The following RSF1 variants were observed in gnomAD, a reference collection of about 807,000 sequenced individuals.
RSF1 encodes the protein remodeling and spacing factor 1.
Under a neutral mutation model 145.2 loss-of-function variants are expected in RSF1, and 13 were observed. That is an observed-to-expected ratio of 0.09 (90% confidence interval 0.06 to 0.14). The LOEUF is 0.14. Ranked by LOEUF, RSF1 falls within the 10% of genes least tolerant of loss-of-function variation. The pLI is 1.00. For synonymous variants in RSF1, 577 were observed against 592.6 expected (o/e 0.97, Z 0.38); for missense variants, 1,517 against 1,718.2 (o/e 0.88, Z 2.07).
intron 1 of RSF1, among the ~76,000 whole-genome samples, chr11:77,779,351 G>A (rs559872382): frequency 6.3e-4 from 96 of 151,542 alleles, no homozygotes; most frequent in Non-Finnish European, 1.1e-3. Context: ...AGGACTATAG[G>A]CACACCACTA....
At chr11:77,672,974 C>T (rs190035955) in intron 14 of RSF1, among the ~76,000 whole-genome samples, 101 of 152,308 alleles carry the variant, frequency 6.6e-4, no homozygotes, top group Non-Finnish European at 1.1e-3. Context: ...TGAGCCACCA[C>T]ACCCAGCCTA....
intron 14 of RSF1, among the ~76,000 whole-genome samples, chr11:77,673,688 A>T (rs574339110): frequency 7.2e-5 from 11 of 152,264 alleles, no homozygotes; most frequent in Non-Finnish European, 1.3e-4. Context: ...AAATATAAGG[A>T]AAAGGATATT....
intron 1 of RSF1, among the ~76,000 whole-genome samples, chr11:77,817,308 C>T (rs1176254757): frequency 6.6e-6 from 1 of 152,224 alleles, no homozygotes; most frequent in Non-Finnish European, 1.5e-5. Flanking sequence ...CACTGCACAA[C>T]TTTTCAAACC....
the RSF1 span, among the ~76,000 whole-genome samples, chr11:77,848,801 T>C: frequency 6.6e-5 from 10 of 152,070 alleles, no homozygotes. Context: ...CATATTGTTA[T>C]CCTCTTATAT....
intron 4 of RSF1, chr11:77,734,578 T>G (rs1405993344): frequency 6.5e-7 from 1 of 1,539,302 alleles, no homozygotes; most frequent in African/African-American, 1.4e-5. Context: ...CACATGGTCA[T>G]CCAATTCTTT....
At chr11:77,735,077 G>A (rs1484908589) in intron 4 of RSF1, 1 of 1,077,170 alleles carries the variant, frequency 9.3e-7, no homozygotes, top group Non-Finnish European at 1.4e-6. Flanking sequence ...CGTGGCGCTG[G>A]GGCGGCGGCA....
At chr11:77,698,750 C>T (rs1960342757) in intron 6 of RSF1, 57 bp from the exon 7 acceptor site, 1 of 1,398,126 alleles carries the variant, frequency 7.2e-7, no homozygotes, top group East Asian at 2.3e-5. Flanking sequence ...TTTTAAAAAT[C>T]TCCTGATTAC....
intron 1 of RSF1, among the ~76,000 whole-genome samples, chr11:77,808,074 C>G (rs886191874): frequency 6.6e-6 from 1 of 152,072 alleles, no homozygotes; most frequent in African/African-American, 2.4e-5. Flanking sequence ...TGGCTCACAC[C>G]TGTAATCCCA....
chr11:77,731,701 G>A, intron 4 of RSF1, among the ~76,000 whole-genome samples: 1 of 152,250 alleles, frequency 6.6e-6, no homozygotes, highest in Admixed American at 6.5e-5. Context: ...AGCTGCCAAT[G>A]CAGAGCTCAG....
chr11:77,727,130 CAA>C (rs1477012485), intron 4 of RSF1, among the ~76,000 whole-genome samples: 1 of 152,136 alleles, frequency 6.6e-6, no homozygotes, highest in Non-Finnish European at 1.5e-5. Flanking sequence ...GATGTTTTCT[CAA>C]AGTCTTGTCT....
Position 77,740,648 on chromosome 11 carries a change from CTGATA to C in RSF1, c.578+78_578+82del, listed in dbSNP as rs1961487156. On this transcript the variant is annotated intron_variant, in intron 4 of 15. Coordinates refer to ENST00000308488, the MANE Select transcript of RSF1 (RefSeq NM_016578.4). ...CTCACACACAAAAAACCACTTCTGT[CTGATA>C]GATAACATCCTAGTTTTGAAACGAG... 3.3e-5 allele frequency: 43 copies of C among 1,318,928 alleles called. No individual in the cohort carries two copies. In the South Asian group the frequency reaches 5.1e-4, roughly 16 times the overall value. The allele number at this position is 1,318,928 out of a possible 1,614,324, so 81.7% of individuals were successfully genotyped here.
chr11:77,798,021 G>A (rs957580950), intron 1 of RSF1, among the ~76,000 whole-genome samples: 13 of 152,208 alleles, frequency 8.5e-5, no homozygotes, highest in Admixed American at 5.2e-4. Flanking sequence ...TGCTGGAGAG[G>A]ATGTGGAGAA....
intron 5 of RSF1, among the ~76,000 whole-genome samples, chr11:77,711,540 G>T (rs566490419): frequency 6.6e-6 from 1 of 152,074 alleles, no homozygotes; most frequent in East Asian, 1.9e-4. Context: ...GTGGTTGCAG[G>T]TGCCTGTAAT....
intron 1 of RSF1, among the ~76,000 whole-genome samples, chr11:77,788,418 A>G (rs1283901996): frequency 6.6e-6 from 1 of 151,108 alleles, no homozygotes; most frequent in Non-Finnish European, 1.5e-5. Flanking sequence ...TTAATATAAA[A>G]AAAGACCCAA....
the RSF1 span, chr11:77,872,019 G>T: frequency 1.6e-6 from 1 of 621,820 alleles, no homozygotes. Context: ...GACTCATTGG[G>T]GCTCACTGCC....
the RSF1 span, chr11:77,842,335 A>G: frequency 2.7e-6 from 2 of 733,650 alleles, no homozygotes; most frequent in South Asian, 2.1e-5. Context: ...GTTACTTTTT[A>G]GACCTCTAAA....
At chr11:77,688,875 G>C (rs540506108) in intron 9 of RSF1, among the ~76,000 whole-genome samples, 1 of 152,228 alleles carries the variant, frequency 6.6e-6, no homozygotes, top group Non-Finnish European at 1.5e-5. Flanking sequence ...TTACGAGCCA[G>C]AGTGCTCAAA....
At position 77,683,691 on chromosome 11, in the gene RSF1, A is replaced by G. The variant is rs750993331; in HGVS notation, c.3065+19T>C. On this transcript the variant is annotated intron_variant, in intron 11 of 15. Transcript: ENST00000308488. ...AAATAAATCCTCTTTTGCTGTAGAC[A>G]TTTCCATACACTTCATACCTGTAGC... is the stretch of plus-strand genomic sequence containing the variant. 2.6e-6 allele frequency: 4 copies of G among 1,533,578 alleles called. No individual in the cohort carries two copies. The African/African-American group carries it at 4.1e-5, about 16-fold the overall frequency. 95.0% of individuals were successfully genotyped at this position (1,533,578 alleles called of 1,614,324 possible).
rs564676447 is a variant in RSF1 at position 77,818,011 on chromosome 11, G to A, written c.187+2517C>T. Among the ~76,000 whole-genome samples, 11 of 152,282 alleles carry A rather than the reference G, an allele frequency of 7.2e-5. No homozygotes were observed. The South Asian group carries it at 2.3e-3, about 32-fold the overall frequency. ...TTTCACCTGCAGAGACTTCTCATTT[G>A]CCAAGTGTTCTGAACTGTGTAACAT... On this transcript the variant is annotated intron_variant, in intron 1 of 15. Transcript: ENST00000308488.
Sources: gnomAD v4.1 joint callset for allele counts (sites outside exome capture counted in the v4.1 genomes callset) on GRCh38, gnomAD v4.1.1 for gene constraint, MANE v1.5 for transcripts, NCBI Gene and HGNC (gene_info 2026-07-23, HGNC 2026-07-21) for gene names.